The following UHRF2 variants were observed in gnomAD, a reference collection of about 807,000 sequenced individuals.
UHRF2 encodes E3 ubiquitin-protein ligase UHRF2.
UHRF2 carries 23 observed loss-of-function variants against 96.8 expected under a neutral mutation model. The observed-to-expected ratio is 0.24, with a 90% CI of 0.17 to 0.34. The LOEUF is 0.34. Among genes scored for constraint, UHRF2 ranks in the 10% least tolerant of loss-of-function variants. The pLI is 1.00. For missense variants in UHRF2, 685 were observed against 981.5 expected (o/e 0.70, Z 4.04); for synonymous variants, 385 against 332.6 (o/e 1.16, Z -1.72).
intron 4 of UHRF2, among the ~76,000 whole-genome samples, chr9:6,461,647 C>T (rs888872997): frequency 6.6e-6 from 1 of 152,022 alleles, no homozygotes; most frequent in Non-Finnish European, 1.5e-5. Flanking sequence ...GTTGGGATTA[C>T]AGGTATGAGC....
chr9:6,420,577 C>T (rs918956833), intron 1 of UHRF2, among the ~76,000 whole-genome samples: 8 of 151,694 alleles, frequency 5.3e-5, no homozygotes, highest in African/African-American at 1.9e-4. Context: ...TGATGACGGG[C>T]ACCTGTAGTC....
chr9:6,500,075 C>T, intron 13 of UHRF2, 144 bp downstream of exon 13: 5 of 592,274 alleles, frequency 8.4e-6, no homozygotes, highest in South Asian at 2.0e-5. Flanking sequence ...TGGGCTCAAG[C>T]GATCCACCTA....
intron 9 of UHRF2, among the ~76,000 whole-genome samples, chr9:6,487,171 A>ATTTTTTATTTTTTATTTTTATTTTTT (rs1824337943): frequency 2.4e-5 from 2 of 83,830 alleles, no homozygotes; most frequent in African/African-American, 9.5e-5. Context: ...TAGAGCTTTT[A>ATTTTTTATTTTTTATTTTTATTTTTT]TTTTTTTTTC....
At chr9:6,429,133 C>A (rs548136389) in intron 2 of UHRF2, among the ~76,000 whole-genome samples, 1 of 151,794 alleles carries the variant, frequency 6.6e-6, no homozygotes, top group Admixed American at 6.6e-5. Context: ...CCACTGCACT[C>A]CAGCCTGGGC....
intron 3 of UHRF2, among the ~76,000 whole-genome samples, chr9:6,450,589 T>C (rs915017505): frequency 1.3e-5 from 2 of 152,170 alleles, no homozygotes; most frequent in Non-Finnish European, 2.9e-5. Flanking sequence ...CACTCAAAAT[T>C]TGTTACCAGC....
chr9:6,434,134 C>A lies in UHRF2; in HGVS notation c.605C>A (p.Ala202Asp), dbSNP rs1820701819. 1 of 1,614,012 alleles carries A rather than the reference C, an allele frequency of 6.2e-7. No homozygotes were observed. Among genetic ancestry groups the A allele is most frequent in the Non-Finnish European group, 8.5e-7 (1 of 1,179,976 alleles). ...VPSTSNSDCV[A>D]ADEDVIYHIQ... ...TCTACGTCTAATTCAGACTGTGTTG[C>A]TGCTGATGAAGACGTTATTTACCAT... Residue 202 changes from alanine to aspartate, a missense_variant, in exon 3 of 16, where the codon GCT becomes GAT. Ala to Asp is a moderately radical substitution (Grantham distance 126, BLOSUM62 -2). Around this residue, in one of 6 missense-constraint regions of UHRF2, gnomAD observed 391 missense variants for 437.0 expected, o/e 0.89. Transcript: ENST00000276893.
chr9:6,425,643 A>G (rs1382016514), intron 2 of UHRF2, among the ~76,000 whole-genome samples: 1 of 152,128 alleles, frequency 6.6e-6, no homozygotes, highest in Non-Finnish European at 1.5e-5. Flanking sequence ...CATGCCTGTA[A>G]TCCCAGCTAC....
Position 6,504,653 on chromosome 9 carries a change from C to A in UHRF2, c.2224C>A (p.Gln742Lys), listed in dbSNP as rs774466070. The A allele has an allele frequency of 3.3e-5, 54 of 1,613,558 alleles. No homozygotes were observed. The highest frequency in any genetic ancestry group is 4.3e-5 in the Non-Finnish European group (51 of 1,179,742). ...CGTTTGCTGTCAGGAGCTAGTTTAC[C>A]AGCCTGTGACAACTGAGTGCTTCCA... ...MCVCCQELVY[Q>K]PVTTECFHNV... The change falls in exon 15 of 16, where the codon CAG becomes AAG. Residue 742 changes from glutamine to lysine, a missense_variant. Transcript: ENST00000276893.
chr9:6,483,453 A>C lies in UHRF2; in HGVS notation c.1392+1354A>C, dbSNP rs371390558. ...TAATACCTAATAAAGTGTAAATGCT[A>C]TGTAAATAGTTGTTAACACTGTATT... is the stretch of plus-strand genomic sequence containing the variant. On this transcript the variant is annotated intron_variant, in intron 8 of 15. Coordinates refer to ENST00000276893, the MANE Select transcript of UHRF2 (RefSeq NM_152896.3). Among the ~76,000 whole-genome samples, 49 of 152,054 alleles carry C rather than the reference A, an allele frequency of 3.2e-4. No homozygotes were observed. In the South Asian group the frequency reaches 8.7e-3, roughly 27 times the overall value.
At chr9:6,438,409 A>G (rs1820976202) in intron 3 of UHRF2, among the ~76,000 whole-genome samples, 1 of 152,268 alleles carries the variant, frequency 6.6e-6, no homozygotes, top group African/African-American at 2.4e-5. Context: ...TGTCTCTCAA[A>G]GTCACATTTT....
chr9:6,420,799 T>C (rs1400155661), intron 1 of UHRF2, 113 bp from the exon 2 acceptor site: 1 of 785,940 alleles, frequency 1.3e-6, no homozygotes, highest in Non-Finnish European at 2.1e-6. Flanking sequence ...GGTTTTAAAA[T>C]CTCTAAACTG....
chr9:6,413,791 T>C (rs898153252), intron 1 of UHRF2, 148 bp downstream of exon 1: 2 of 1,044,958 alleles, frequency 1.9e-6, no homozygotes, highest in African/African-American at 3.4e-5. Flanking sequence ...AGGCGCGGGG[T>C]GCGGGGCCCA....
chr9:6,435,594 A>G (rs1251923225), intron 3 of UHRF2, among the ~76,000 whole-genome samples: 3 of 152,012 alleles, frequency 2.0e-5, no homozygotes, highest in Non-Finnish European at 2.9e-5. Context: ...CACTTCCCCA[A>G]GATAATAGGA....
chr9:6,486,068 G>A (rs1415585735), intron 8 of UHRF2, among the ~76,000 whole-genome samples: 1 of 152,120 alleles, frequency 6.6e-6, no homozygotes, highest in Admixed American at 6.6e-5. Context: ...AAAATAGATA[G>A]GAGCCATATT....
intron 10 of UHRF2, chr9:6,494,201 G>A (rs1824836006): frequency 3.1e-6 from 1 of 317,514 alleles, no homozygotes; most frequent in Admixed American, 4.8e-5. Context: ...AGGAGCCTGT[G>A]TAATTTAAGT....
At chr9:6,482,830 T>A (rs1276137460) in intron 8 of UHRF2, among the ~76,000 whole-genome samples, 1 of 152,138 alleles carries the variant, frequency 6.6e-6, no homozygotes, top group African/African-American at 2.4e-5. Flanking sequence ...TCTCCTAACC[T>A]CGTGATCCAC....
At chr9:6,450,577 T>TA (rs1563766033) in intron 3 of UHRF2, among the ~76,000 whole-genome samples, 1 of 152,230 alleles carries the variant, frequency 6.6e-6, no homozygotes, top group Non-Finnish European at 1.5e-5. Flanking sequence ...GTCAGCCTGA[T>TA]ACACTCAAAA....
chr9:6,493,537 C>G (rs1193524080), intron 9 of UHRF2, among the ~76,000 whole-genome samples: 1 of 152,060 alleles, frequency 6.6e-6, no homozygotes, highest in African/African-American at 2.4e-5. Flanking sequence ...TAAGACCTTA[C>G]CTTGTTTGTA....
Position 6,504,562 on chromosome 9 carries a change from T to G in UHRF2, c.2164-31T>G, listed in dbSNP as rs967981232. On this transcript the variant is annotated intron_variant, in intron 14 of 15. Coordinates refer to ENST00000276893, the MANE Select transcript of UHRF2 (RefSeq NM_152896.3). ...ATTAGCATATTATGAACTGCTAACT[T>G]TTCTTTCCTTATCCTTGGATACTGT... is the stretch of plus-strand genomic sequence containing the variant. 24 of 1,543,028 alleles carry G rather than the reference T, an allele frequency of 1.6e-5. No individual in the cohort carries two copies. In the Admixed American group the frequency reaches 2.4e-4, roughly 16 times the overall value.
Sources: allele counts gnomAD v4.1 joint callset (sites outside exome capture counted in the v4.1 genomes callset), GRCh38; gene constraint gnomAD v4.1.1; regional missense constraint gnomAD v4.1.1; transcripts MANE v1.5; gene names NCBI Gene and HGNC (gene_info 2026-07-23, HGNC 2026-07-21).